Variants in HEATR5B observed in about 807,000 individuals in gnomAD.
The protein encoded by HEATR5B is HEAT repeat containing 5B, also known as HEAT repeat-containing protein 5B.
HEATR5B carries 156 observed loss-of-function variants against 224.1 expected under a neutral mutation model. That is an observed-to-expected ratio of 0.70 (90% confidence interval 0.61 to 0.80). The LOEUF is 0.80. Ranked by LOEUF, HEATR5B falls within the 30% of genes least tolerant of loss-of-function variation. The pLI is 0.00. For missense variants in HEATR5B, 2,323 were observed against 2,535.5 expected, an observed-to-expected ratio of 0.92 and a Z score of 1.80; for synonymous variants, 1,027 against 893.0, an observed-to-expected ratio of 1.15 and a Z score of -2.68.
chr2:37,065,450 A>C (rs1671532737), intron 9 of HEATR5B, among the ~76,000 whole-genome samples: 2 of 152,010 alleles, frequency 1.3e-5, no homozygotes, highest in African/African-American at 4.8e-5. Flanking sequence ...AGTAGATTAC[A>C]GGCACGTGTC....
chr2:37,032,490 A>G (rs1380687477), intron 22 of HEATR5B, 139 bp downstream of exon 22: 6 of 833,104 alleles, frequency 7.2e-6, no homozygotes, highest in African/African-American at 5.2e-5. Context: ...TTGGAATTTT[A>G]AAAGTGGTAA....
rs758745931 is a variant in HEATR5B, at chr2:37,070,248, C to T, written c.909G>A (p.Val303=). ...TACAAACCTGCGTAACTCCAACTCT[C>T]ACTTCACGATTAACGGACCCTCCAA... ...LKVGGSVNRE[V]RVGVTQAYVV... is the part of the protein sequence containing the mutation. The change falls in exon 7 of 36, where the codon GTG becomes GTA. Residue 303 remains valine (V), a synonymous_variant. Transcript: ENST00000233099. The T allele has an allele frequency of 1.7e-5, 28 of 1,614,002 alleles. No individual in the cohort carries two copies. Among genetic ancestry groups the T allele is most frequent in the Non-Finnish European group, 2.2e-5 (26 of 1,180,016 alleles).
At chr2:37,046,719 A>C in intron 18 of HEATR5B, among the ~76,000 whole-genome samples, 1 of 151,994 alleles carries the variant, frequency 6.6e-6, no homozygotes, top group East Asian at 1.9e-4. Flanking sequence ...ACTGCAAACT[A>C]AAGAAAATTC....
Position 37,002,509 on chromosome 2 carries a change from A to G in HEATR5B, c.5114T>C (p.Leu1705Pro). ...AAACACAAGAGATTTTCCAGGAATG[A>G]GACCACCGCTGTCACCTCCTTCTCC... ...VLGEGGDSGGLIPGKSLVFAT... is the reference protein window; with the variant it reads ...VLGEGGDSGGPIPGKSLVFAT... Residue 1705 changes from leucine (L) to proline (P), a missense_variant, in exon 32 of 36, where the codon CTC (leucine) becomes CCC (proline). Transcript: ENST00000233099. The G allele has an allele frequency of 6.2e-7, 1 of 1,614,188 alleles. No homozygotes were observed. The highest frequency in any genetic ancestry group is 8.5e-7 in the Non-Finnish European group (1 of 1,180,008).
At chr2:37,059,010 C>A in intron 12 of HEATR5B, 23 bp from the exon 13 acceptor site, 2 of 1,476,850 alleles carry the variant, frequency 1.4e-6, no homozygotes, top group Non-Finnish European at 1.9e-6. Flanking sequence ...TTTAAAAGGA[C>A]AGATTTGGAG....
At chr2:37,010,979 G>A (rs1667749449) in intron 27 of HEATR5B, among the ~76,000 whole-genome samples, 1 of 151,752 alleles carries the variant, frequency 6.6e-6, no homozygotes, top group South Asian at 2.1e-4. Flanking sequence ...ACAATGAGAG[G>A]GAAGTAAAAA....
rs767571201 is a variant in HEATR5B, at chr2:37,068,868, G to A, written c.990C>T (p.Phe330=). The A allele has an allele frequency of 6.2e-7, 1 of 1,614,140 alleles. No individual in the cohort carries two copies. Among genetic ancestry groups the A allele is most frequent in the South Asian group, 1.1e-5 (1 of 91,088 alleles). ...GQWLERSFAT[F]LSHVLDLVSH... is the part of the protein sequence containing the mutation. ...AAACCAGATCAAGTACATGGGACAG[G>A]AACGTGGCAAAGCTGCGCTCCAACC... is the stretch of plus-strand genomic sequence containing the variant. The change falls in exon 8 of 36, where the codon TTC becomes TTT. Residue 330 remains phenylalanine (F), a synonymous_variant. Transcript: ENST00000233099.
At chr2:37,022,479 A>G (rs560455378) in intron 24 of HEATR5B, among the ~76,000 whole-genome samples, 9 of 152,324 alleles carry the variant, frequency 5.9e-5, no homozygotes, top group African/African-American at 1.9e-4. Flanking sequence ...GCCTGGGCTC[A>G]GGCTATATTA....
At chr2:37,070,943 C>T (rs1053217143) in intron 6 of HEATR5B, among the ~76,000 whole-genome samples, 1 of 152,088 alleles carries the variant, frequency 6.6e-6, no homozygotes, top group Non-Finnish European at 1.5e-5. Flanking sequence ...TTTGGCTGCC[C>T]GGAATTTGAA....
At chr2:37,048,196 T>G (rs1292183674) in intron 18 of HEATR5B, among the ~76,000 whole-genome samples, 1 of 151,702 alleles carries the variant, frequency 6.6e-6, no homozygotes, top group East Asian at 1.9e-4. Context: ...TTGTTTTTTT[T>G]TTTTTTGAGA....
At position 37,007,105 on chromosome 2, in the gene HEATR5B, C is replaced by T; in HGVS notation, c.4722G>A (p.Val1574=). 6.2e-7 allele frequency: 1 copy of T among 1,614,058 alleles called. No individual in the cohort carries two copies. The highest frequency in any genetic ancestry group is 1.1e-5 in the South Asian group (1 of 91,086). Residue 1574 remains valine (V), a synonymous_variant, in exon 29 of 36, where the codon GTG becomes GTA. Transcript: ENST00000233099. ...TTTCTGGCAAAGATTTAGCACTACCCACTGCTCCTGATGCCTGGTTTAAAT... is the reference window on the plus strand; with the variant it reads ...TTTCTGGCAAAGATTTAGCACTACCTACTGCTCCTGATGCCTGGTTTAAAT... ...SVNLNQASGA[V]GSAKSLPEIN...
In HEATR5B at chr2:37,075,524, C is replaced by A; in HGVS notation, c.558G>T (p.Leu186Phe). Residue 186 changes from leucine to phenylalanine, a missense_variant, in exon 5 of 36, where the codon TTG (leucine) becomes TTT (phenylalanine). Physicochemically the swap from Leu to Phe is conservative, Grantham distance 22. Transcript: ENST00000233099. ...ATCGAACAGCCATTGACCTATCAGT[C>A]AAGAGAGACCTGGCATTCTTGTAAA... ...RDIYKNARSL[L>F]TDRSMAVRCA... is the part of the protein sequence containing the mutation. 4 of 1,614,074 alleles carry A rather than the reference C, an allele frequency of 2.5e-6. No individual in the cohort carries two copies. The highest frequency in any genetic ancestry group is 2.5e-6 in the Non-Finnish European group (3 of 1,179,964).
intron 21 of HEATR5B, among the ~76,000 whole-genome samples, chr2:37,036,457 T>A (rs560362945): frequency 5.3e-5 from 8 of 152,292 alleles, no homozygotes; most frequent in African/African-American, 1.7e-4. Flanking sequence ...TACTTCAATA[T>A]CATGCCCTTT....
At chr2:37,000,880 C>T (rs978183172) in intron 32 of HEATR5B, 67 bp from the exon 33 acceptor site, 3 of 1,102,668 alleles carry the variant, frequency 2.7e-6, no homozygotes, top group Admixed American at 4.2e-5. Context: ...GTTTTCATTG[C>T]TTGTATTTTT....
chr2:37,056,556 A>G lies in HEATR5B; in HGVS notation c.2283T>C (p.Tyr761=). 1 of 1,613,478 alleles carries G rather than the reference A, an allele frequency of 6.2e-7. No homozygotes were observed. Among genetic ancestry groups the G allele is most frequent in the East Asian group, 2.2e-5 (1 of 44,838 alleles). ...CTGCTTCTCCAGCAGGTATGCGTAA[A>G]TAAATAGAGGAAGGATCATGCTCCA... The part of the protein sequence containing the change: ...GALEHDPSSI[Y]LRIPAGEAVP... The change falls in exon 16 of 36, where the codon TAT becomes TAC. Residue 761 remains tyrosine, a synonymous_variant. Transcript: ENST00000233099.
At chr2:36,993,783 T>G (rs1043196814) in intron 33 of HEATR5B, among the ~76,000 whole-genome samples, 1 of 151,990 alleles carries the variant, frequency 6.6e-6, no homozygotes, top group Admixed American at 6.6e-5. Context: ...ACATTACTTA[T>G]GCAGTATTCC....
intron 24 of HEATR5B, among the ~76,000 whole-genome samples, chr2:37,027,387 A>G (rs1257708695): frequency 9.2e-5 from 14 of 152,182 alleles, no homozygotes; most frequent in Non-Finnish European, 1.9e-4. Flanking sequence ...CAGGGGATAC[A>G]TGGTATAAAA....
At chr2:37,084,069 G>A (rs1230681827) in intron 1 of HEATR5B, among the ~76,000 whole-genome samples, 200 bp downstream of exon 1, 1 of 152,274 alleles carries the variant, frequency 6.6e-6, no homozygotes, top group Non-Finnish European at 1.5e-5. Context: ...CGGCGGACCC[G>A]GGGAAACACC....
intron 15 of HEATR5B, 68 bp downstream of exon 15, chr2:37,057,249 G>T: frequency 8.3e-7 from 1 of 1,207,548 alleles, no homozygotes; most frequent in Non-Finnish European, 1.1e-6. Flanking sequence ...TTCTTTTTAA[G>T]TGACAATGTG....
Sources: allele counts gnomAD v4.1 joint callset (sites outside exome capture counted in the v4.1 genomes callset), GRCh38; gene constraint gnomAD v4.1.1; transcripts MANE v1.5; gene names NCBI Gene and HGNC (gene_info 2026-07-23, HGNC 2026-07-21).